The following CNBD1 variants were observed in gnomAD, a reference collection of about 807,000 sequenced individuals.
The protein encoded by CNBD1 is cyclic nucleotide binding domain containing 1.
A neutral mutation model predicts 54.4 loss-of-function variants in CNBD1; 71 were observed. The observed-to-expected ratio is 1.30, with a 90% confidence interval of 1.08 to 1.59. The LOEUF (loss-of-function observed/expected upper bound fraction) is 1.59. CNBD1 is among the 40% of genes most tolerant of loss of function. The pLI is 0.00. For synonymous variants in CNBD1, 182 were observed against 170.7 expected, an observed-to-expected ratio of 1.07 and a Z score of -0.51; for missense variants, 659 against 518.0, an observed-to-expected ratio of 1.27 and a Z score of -2.64.
At chr8:87,088,320 C>T (rs1016285818) in intron 4 of CNBD1, among the ~76,000 whole-genome samples, 1 of 152,122 alleles carries the variant, frequency 6.6e-6, no homozygotes, top group Non-Finnish European at 1.5e-5. Flanking sequence ...ATAAAATGCT[C>T]TTTCTACAGC....
intron 6 of CNBD1, among the ~76,000 whole-genome samples, chr8:87,249,071 T>A (rs531069557): frequency 6.6e-6 from 1 of 152,286 alleles, no homozygotes; most frequent in African/African-American, 2.4e-5. Context: ...TGCAAGCAAT[T>A]GATTTATTAT....
At chr8:87,268,358 G>A (rs1417210155) in intron 6 of CNBD1, among the ~76,000 whole-genome samples, 1 of 152,052 alleles carries the variant, frequency 6.6e-6, no homozygotes, top group African/African-American at 2.4e-5. Context: ...CACCATGATG[G>A]GCATCTTGGT....
intron 6 of CNBD1, among the ~76,000 whole-genome samples, chr8:87,264,401 T>C (rs1808206195): frequency 6.6e-6 from 1 of 152,200 alleles, no homozygotes; most frequent in Non-Finnish European, 1.5e-5. Context: ...TCTATCATTG[T>C]TGGACATTTG....
chr8:87,418,374 T>A (rs1412955610), intron 2 of CNBD1, among the ~76,000 whole-genome samples: 11 of 151,792 alleles, frequency 7.2e-5, no homozygotes, highest in Admixed American at 6.6e-4. Flanking sequence ...ATAAAATGCA[T>A]CAAAACCCTA....
At chr8:87,309,592 TG>T (rs1167916844) in intron 8 of CNBD1, among the ~76,000 whole-genome samples, 1 of 152,138 alleles carries the variant, frequency 6.6e-6, no homozygotes, top group Admixed American at 6.6e-5. Context: ...GAAAAGTTTT[TG>T]TAGACTTCCA....
rs150024716 is a variant in CNBD1 at position 87,308,916 on chromosome 8, G to A, written c.1042+22245G>A. On this transcript the variant is annotated intron_variant, in intron 8 of 10. Transcript: ENST00000518476. The stretch of plus-strand genomic sequence containing the variant: ...TTTATCCATGTTGCTGCATATGACA[G>A]CATTTAGTTATTTTTTATACCTCAA... Among the ~76,000 whole-genome samples, 647 of 152,184 alleles carry A rather than the reference G, an allele frequency of 4.3e-3. 6 individuals are homozygous for A. The highest frequency in any genetic ancestry group is 0.015 in the African/African-American group (618 of 41,538).
chr8:86,990,926 A>G (rs1808731234), intron 4 of CNBD1, among the ~76,000 whole-genome samples: 1 of 151,866 alleles, frequency 6.6e-6, no homozygotes, highest in Non-Finnish European at 1.5e-5. Context: ...ATTTCTATGT[A>G]TTTAGTTTTA....
intron 4 of CNBD1, among the ~76,000 whole-genome samples, chr8:87,090,471 G>T (rs1811183041): frequency 6.6e-6 from 1 of 152,126 alleles, no homozygotes; most frequent in Non-Finnish European, 1.5e-5. Context: ...CTGAATTAAC[G>T]ACTATGCATT....
intron 6 of CNBD1, among the ~76,000 whole-genome samples, chr8:87,252,622 T>C (rs1807935110): frequency 6.6e-6 from 1 of 152,258 alleles, no homozygotes; most frequent in African/African-American, 2.4e-5. Flanking sequence ...CTTGATCCTG[T>C]TTTCAAATTT....
chr8:87,008,375 A>C (rs1280990677), intron 4 of CNBD1, among the ~76,000 whole-genome samples: 1 of 152,194 alleles, frequency 6.6e-6, no homozygotes, highest in Non-Finnish European at 1.5e-5. Context: ...CTGGAAGTGA[A>C]TATCACAGTA....
At chr8:87,379,427 C>T (rs1333632851) in intron 10 of CNBD1, among the ~76,000 whole-genome samples, 5 of 151,824 alleles carry the variant, frequency 3.3e-5, no homozygotes, top group African/African-American at 2.4e-5. Flanking sequence ...ACAAAATATA[C>T]ATTTTTTTCA....
intron 3 of CNBD1, among the ~76,000 whole-genome samples, chr8:86,932,039 T>C (rs1437041968): frequency 6.6e-6 from 1 of 152,178 alleles, no homozygotes; most frequent in Non-Finnish European, 1.5e-5. Flanking sequence ...TGCTGACCAG[T>C]AGGGAGTTTG....
At chr8:87,426,863 A>T (rs1808059641) in intron 2 of CNBD1, among the ~76,000 whole-genome samples, 1 of 152,182 alleles carries the variant, frequency 6.6e-6, no homozygotes, top group Non-Finnish European at 1.5e-5. Context: ...ATTTAATTTG[A>T]CCAGGGATAT....
intron 5 of CNBD1, among the ~76,000 whole-genome samples, chr8:87,212,964 G>T (rs1253059242): frequency 6.6e-6 from 1 of 152,048 alleles, no homozygotes; most frequent in African/African-American, 2.4e-5. Flanking sequence ...TCTAATAAGG[G>T]TCTCATGTCC....
At chr8:87,423,873 C>G (rs1436529414) in intron 2 of CNBD1, among the ~76,000 whole-genome samples, 4 of 152,298 alleles carry the variant, frequency 2.6e-5, no homozygotes, top group African/African-American at 9.6e-5. Context: ...CCTTGTACCT[C>G]TGGTAGAATT....
At chr8:87,410,312 A>G (rs1000739140) in intron 2 of CNBD1, among the ~76,000 whole-genome samples, 6 of 152,302 alleles carry the variant, frequency 3.9e-5, no homozygotes, top group Middle Eastern at 3.4e-3. Context: ...TCATTAGGAT[A>G]TAGCTCCCAT....
At chr8:86,921,048 G>T (rs541148730) in intron 3 of CNBD1, among the ~76,000 whole-genome samples, 1 of 152,128 alleles carries the variant, frequency 6.6e-6, no homozygotes, top group East Asian at 1.9e-4. Context: ...GATTCTGATA[G>T]ACTTAAAAAA....
chr8:87,201,040 A>G (rs1357652414), intron 4 of CNBD1, among the ~76,000 whole-genome samples: 1 of 152,066 alleles, frequency 6.6e-6, no homozygotes, highest in East Asian at 2.0e-4. Flanking sequence ...TATAAAAAAC[A>G]TTCCATCAGG....
intron 8 of CNBD1, among the ~76,000 whole-genome samples, chr8:87,349,721 G>A (rs1810246370): frequency 6.6e-6 from 1 of 152,116 alleles, no homozygotes; most frequent in African/African-American, 2.4e-5. Flanking sequence ...TTTTTGCCTA[G>A]GTCAGGAGGG....
Sources: allele counts gnomAD v4.1 joint callset (sites outside exome capture counted in the v4.1 genomes callset), GRCh38; gene constraint gnomAD v4.1.1; transcripts MANE v1.5; gene names NCBI Gene and HGNC (gene_info 2026-07-23, HGNC 2026-07-21).